Variants in PCDHA7 observed in about 807,000 individuals in gnomAD.
PCDHA7 encodes the protein protocadherin alpha 7.
PCDHA7 carries 37 observed loss-of-function variants against 57.2 expected under a neutral mutation model. That is an observed-to-expected ratio of 0.65 (90% CI 0.50 to 0.85). PCDHA7 has a LOEUF of 0.85. Ranked by LOEUF, PCDHA7 falls within the 40% of genes least tolerant of loss-of-function variation. The pLI, the probability that PCDHA7 is intolerant of heterozygous loss-of-function variation, is 0.00. For missense variants in PCDHA7, 1,188 were observed against 1,241.8 expected (o/e 0.96, Z 0.65); for synonymous variants, 553 against 558.8 (o/e 0.99, Z 0.15).
chr5:140,879,744 A>T (rs1356373675), intron 1 of PCDHA7, among the ~76,000 whole-genome samples: 1 of 152,212 alleles, frequency 6.6e-6, no homozygotes, highest in Admixed American at 6.5e-5. Flanking sequence ...AGGTGTTGTC[A>T]AGGCTATACT....
intron 1 of PCDHA7, chr5:140,852,044 T>C (rs1581270101): frequency 2.2e-6 from 2 of 922,218 alleles, no homozygotes; most frequent in South Asian, 5.0e-5. Context: ...GTTTTTGTTA[T>C]GTGGTTTATA....
In PCDHA7 at chr5:140,835,556, C is replaced by CTG; in HGVS notation, c.1173_1174insTG (p.Arg392CysfsTer58). On this transcript the variant is annotated frameshift_variant, in exon 1 of 4. Coordinates refer to ENST00000525929, the MANE Select transcript of PCDHA7 (RefSeq NM_018910.3). LOFTEE classifies it high-confidence loss of function. ...GACAGGTTACCTGCTCCCTGACGCCCCGCGTTCCCTTCAAGTTGGTGTCCA... is the reference window on the plus strand; with the variant it reads ...GACAGGTTACCTGCTCCCTGACGCCCTGCGCGTTCCCTTCAAGTTGGTGTCCA... 8 of 1,613,914 alleles carry CTG rather than the reference C, an allele frequency of 5.0e-6. No individual in the cohort carries two copies. Among genetic ancestry groups the CTG allele is most frequent in the African/African-American group, 1.3e-5 (1 of 75,048 alleles).
intron 1 of PCDHA7, among the ~76,000 whole-genome samples, chr5:140,886,521 C>A (rs1056353739): frequency 5.9e-5 from 9 of 152,038 alleles, no homozygotes; most frequent in African/African-American, 1.9e-4. Flanking sequence ...TTAAGGTCTG[C>A]ATATTCAGTT....
intron 1 of PCDHA7, among the ~76,000 whole-genome samples, chr5:140,961,560 AT>A (rs1223583703): frequency 1.4e-4 from 22 of 152,140 alleles, no homozygotes; most frequent in African/African-American, 4.6e-4. Flanking sequence ...CTTTTTTTAA[AT>A]TTTGTTTTGA....
intron 1 of PCDHA7, chr5:140,869,853 C>T: frequency 1.2e-6 from 2 of 1,610,606 alleles, no homozygotes; most frequent in South Asian, 2.2e-5. Flanking sequence ...ATAAGGTGAG[C>T]CTTATGGAAA....
intron 1 of PCDHA7, among the ~76,000 whole-genome samples, chr5:140,886,497 T>A (rs2061000599): frequency 6.6e-6 from 1 of 152,160 alleles, no homozygotes; most frequent in Non-Finnish European, 1.5e-5. Context: ...TATATCTTTT[T>A]CCTTTTATGG....
At chr5:140,885,267 C>T (rs1448375746) in intron 1 of PCDHA7, among the ~76,000 whole-genome samples, 1 of 151,978 alleles carries the variant, frequency 6.6e-6, no homozygotes, top group Non-Finnish European at 1.5e-5. Flanking sequence ...ATTACTCATA[C>T]ATATATATAT....
At chr5:140,924,209 A>T (rs1470255016) in intron 1 of PCDHA7, among the ~76,000 whole-genome samples, 1 of 152,242 alleles carries the variant, frequency 6.6e-6, no homozygotes, top group Non-Finnish European at 1.5e-5. Flanking sequence ...AAATTTGGTG[A>T]AGAATAAGTT....
intron 1 of PCDHA7, chr5:140,869,913 C>A (rs782111162): frequency 6.2e-7 from 1 of 1,610,636 alleles, no homozygotes; most frequent in African/African-American, 1.3e-5. Flanking sequence ...CAGACCGAGA[C>A]GAAGGAGTCA....
chr5:140,843,493 A>T, intron 1 of PCDHA7: 1 of 1,595,930 alleles, frequency 6.3e-7, no homozygotes, highest in Non-Finnish European at 8.6e-7. Context: ...TGCGGTGCTC[A>T]GCACTGCCCA....
At position 140,966,347 on chromosome 5, in the gene PCDHA7, G is replaced by A. The variant is rs189506336; in HGVS notation, c.2356-12602G>A. 6.3e-5 allele frequency: 25 copies of A among 397,502 alleles called. No homozygotes were observed. The East Asian group carries it at 8.6e-4, about 14-fold the overall frequency. The allele number at this position is 397,502 out of a possible 1,614,324, so 24.6% of individuals were successfully genotyped here. A position where few individuals can be genotyped will look rare whatever the true frequency, so the allele number is the denominator to read the frequency against. On this transcript the variant is annotated intron_variant, in intron 1 of 3. Transcript: ENST00000525929. ...GGGATCCGGCAGGTCCAGGGTGAAG[G>A]AGATGGGGCTGGAGAGGCTGAGCAG... is the stretch of plus-strand genomic sequence containing the variant.
intron 1 of PCDHA7, chr5:140,928,695 C>T (rs782305388): frequency 9.3e-6 from 15 of 1,614,058 alleles, no homozygotes; most frequent in Non-Finnish European, 1.3e-5. Context: ...ACCACATCTC[C>T]CGGGCGTCTG....
chr5:141,001,360 A>G (rs1432580617), intron 3 of PCDHA7, among the ~76,000 whole-genome samples: 2 of 152,212 alleles, frequency 1.3e-5, no homozygotes, highest in Non-Finnish European at 2.9e-5. Flanking sequence ...GTTTAAGCCT[A>G]CTATTCTGAT....
At chr5:140,987,227 A>T (rs1410526870) in intron 3 of PCDHA7, among the ~76,000 whole-genome samples, 2 of 151,696 alleles carry the variant, frequency 1.3e-5, no homozygotes, top group African/African-American at 4.8e-5. Context: ...AAAAAAAAAA[A>T]TAATAAATAA....
At chr5:140,895,454 G>T (rs1554186522) in intron 1 of PCDHA7, among the ~76,000 whole-genome samples, 1 of 151,918 alleles carries the variant, frequency 6.6e-6, no homozygotes, top group Non-Finnish European at 1.5e-5. Context: ...TGTGCTTATT[G>T]GTCATTTCTT....
chr5:140,892,497 T>C (rs1459778884), intron 1 of PCDHA7, among the ~76,000 whole-genome samples: 1 of 152,238 alleles, frequency 6.6e-6, no homozygotes, highest in Non-Finnish European at 1.5e-5. Context: ...GAGAGATTGT[T>C]TAAGAAGTTC....
At chr5:140,855,753 G>A (rs1461376517) in intron 1 of PCDHA7, 1 of 333,040 alleles carries the variant, frequency 3.0e-6, no homozygotes, top group African/African-American at 2.1e-5. Context: ...GTGAGGCTTT[G>A]AAAGTCCATA....
rs1338866234 is a variant in PCDHA7 at position 141,009,892 on chromosome 5, GAA to G, written c.2774_2775del (p.Lys925ArgfsTer8). ...AGAAGAAGGGTAACAAGACCCAGGA[GAA>G]AAAAGAGAAAGGGAACAGCACGACT... ...KKKKGNKTQE[K>X]KEKGNSTTDN... On this transcript the variant is annotated frameshift_variant, in exon 4 of 4. Coordinates refer to ENST00000525929, the MANE Select transcript of PCDHA7 (RefSeq NM_018910.3). LOFTEE classifies it high-confidence loss of function. The G allele has an allele frequency of 3.7e-6, 6 of 1,612,022 alleles. No individual in the cohort carries two copies. The Admixed American group carries it at 1.0e-4, about 27-fold the overall frequency.
intron 1 of PCDHA7, chr5:140,927,167 C>A (rs782612848): frequency 6.2e-7 from 1 of 1,614,164 alleles, no homozygotes; most frequent in Admixed American, 1.7e-5. Context: ...GCCAAAGCTG[C>A]CTGCGTCTTG....
Sources: gnomAD v4.1 joint callset for allele counts (sites outside exome capture counted in the v4.1 genomes callset) on GRCh38, gnomAD v4.1.1 for gene constraint, MANE v1.5 for transcripts, NCBI Gene and HGNC (gene_info 2026-07-23, HGNC 2026-07-21) for gene names.